The following PAK4 variants were observed in gnomAD, a reference collection of about 807,000 sequenced individuals.
PAK4 encodes the protein serine/threonine-protein kinase PAK 4.
A neutral mutation model predicts 53.5 loss-of-function variants in PAK4; 49 were observed. That is an observed-to-expected ratio of 0.92 (90% confidence interval 0.73 to 1.16). The LOEUF is 1.16. Ranked by LOEUF, PAK4 falls within the 50% of genes most tolerant of loss-of-function variation. The probability of loss-of-function intolerance (pLI) is 0.00; values close to 1 mark genes in which losing one functional copy is unlikely to be tolerated. For missense variants in PAK4, 824 were observed against 850.7 expected, an observed-to-expected ratio of 0.97 and a Z score of 0.39; for synonymous variants, 376 against 375.6, an observed-to-expected ratio of 1.00 and a Z score of -0.01.
At chr19:39,180,946 G>A (rs2074693938), downstream of PAK4, 1 of 152,236 alleles carries the variant, frequency 6.6e-6, no homozygotes, top group South Asian at 2.1e-4. Context: ...AGAACAGCTA[G>A]CTCTAGGAGC....
Position 39,173,301 on chromosome 19 carries a change from G to A in PAK4, c.588G>A (p.Gly196=), listed in dbSNP as rs1466560078. The change falls in exon 3 of 9, where the codon GGG becomes GGA. Residue 196 remains glycine (G), a synonymous_variant. Transcript: ENST00000358301. This position sits in a 1 kb window ranked among gnomAD's most constrained non-coding sequence, Gnocchi z 6.9. ...CCCAGCCTGCTGGTCTGGCCAGTGGGGCGAAACTGGCAGCTGGCCGGCCCT... is the reference window on the plus strand; with the variant it reads ...CCCAGCCTGCTGGTCTGGCCAGTGGAGCGAAACTGGCAGCTGGCCGGCCCT... The A allele has an allele frequency of 6.2e-7, 1 of 1,600,468 alleles. No individual in the cohort carries two copies.
intron 1 of PAK4, among the ~76,000 whole-genome samples, chr19:39,165,556 T>TAAATA (rs761595959): frequency 1.0e-4 from 13 of 124,002 alleles, no homozygotes; most frequent in African/African-American, 3.7e-4. Flanking sequence ...ATAAATAAAA[T>TAAATA]AATAATAGAC....
chr19:39,156,185 A>T (rs559709279), intron 1 of PAK4, among the ~76,000 whole-genome samples: 1 of 152,030 alleles, frequency 6.6e-6, no homozygotes, highest in South Asian at 2.1e-4. Flanking sequence ...CCTCCAGCCC[A>T]TGCTGGGCAC....
At chr19:39,169,641 CAGA>C (rs777682213) in exon 2 of PAK4, 1 of 1,613,488 alleles carries the variant, frequency 6.2e-7, no homozygotes, top group Non-Finnish European at 8.5e-7. Context: ...CCAGCACGAG[CAGA>C]AGTTCACGGG....
Position 39,176,727 on chromosome 19 carries a change from G to A in PAK4, c.1485+12G>A. 1 of 1,606,456 alleles carries A rather than the reference G, an allele frequency of 6.2e-7. No individual in the cohort carries two copies. On this transcript the variant is annotated intron_variant, in intron 7 of 8. Transcript: ENST00000358301. ...CCTACGGGCCAGAGGTGAGCCCCGG[G>A]GTGGCTTGGTTGTCCCGCCGTGGAC...
In PAK4 at chr19:39,173,634, A is replaced by G. The variant is rs2074536136; in HGVS notation, c.722A>G (p.Gln241Arg). The change falls in exon 4 of 9, where the codon CAG (glutamine) becomes CGG (arginine). Residue 241 changes from glutamine (Q) to arginine (R), a missense_variant. Physicochemically the swap from Gln to Arg is conservative, Grantham distance 43. Coordinates refer to ENST00000358301, the Ensembl canonical transcript of PAK4. The surrounding 1 kb of genome is among the most constrained non-coding windows in gnomAD (Gnocchi z 6.9). ...TCAGCGGGGGGCCTGGCCATCCCCCAGTCCTCCTCCTCCTCCTCCCGGCCT... is the reference window on the plus strand; with the variant it reads ...TCAGCGGGGGGCCTGGCCATCCCCCGGTCCTCCTCCTCCTCCTCCCGGCCT... The G allele has an allele frequency of 1.3e-6, 2 of 1,560,302 alleles. No individual in the cohort carries two copies. Among genetic ancestry groups the G allele is most frequent in the South Asian group, 2.4e-5 (2 of 82,466 alleles).
chr19:39,132,863 C>T (rs1433195008), intron 1 of PAK4, among the ~76,000 whole-genome samples: 2 of 152,240 alleles, frequency 1.3e-5, no homozygotes, highest in Non-Finnish European at 2.9e-5. Flanking sequence ...AGATAGGTGA[C>T]AAACAGTCTC....
intron 1 of PAK4, among the ~76,000 whole-genome samples, chr19:39,167,192 T>C (rs2074390984): frequency 6.6e-6 from 1 of 152,158 alleles, no homozygotes; most frequent in South Asian, 2.1e-4. Flanking sequence ...TTCCCGTGGC[T>C]CTGGGAACTG....
intron 1 of PAK4, among the ~76,000 whole-genome samples, chr19:39,140,426 T>G (rs1481545089): frequency 6.6e-6 from 1 of 152,130 alleles, no homozygotes; most frequent in Non-Finnish European, 1.5e-5. Flanking sequence ...CTCTGCAAGT[T>G]TGCAGGGAGG....
At chr19:39,176,368 T>TG (rs999559712) in intron 6 of PAK4, 1 of 606,430 alleles carries the variant, frequency 1.6e-6, no homozygotes, top group East Asian at 2.8e-5. Flanking sequence ...GGGAGGGAAA[T>TG]GGGGGGATCG....
chr19:39,175,027 G>C lies in PAK4; in HGVS notation c.1195G>C (p.Glu399Gln). The change falls in exon 5 of 9, where the codon GAA becomes CAA. Residue 399 changes from glutamate (E) to glutamine (Q), a missense_variant. By Grantham distance (29) the Glu-to-Gln change is conservative (BLOSUM62 2). Around this residue, in one of 2 missense-constraint regions of PAK4, gnomAD observed 346 missense variants for 415.0 expected, o/e 0.83. Coordinates refer to ENST00000358301, the Ensembl canonical transcript of PAK4. This position sits in a 1 kb window ranked among gnomAD's most constrained non-coding sequence, Gnocchi z 4.7. ...GCTCTGGGTGGTCATGGAGTTCCTG[G>C]AAGGAGGCGCCCTCACCGACATCGT... 2 of 1,613,710 alleles carry C rather than the reference G, an allele frequency of 1.2e-6. No homozygotes were observed. The highest frequency in any genetic ancestry group is 2.2e-5 in the East Asian group (1 of 44,870).
At chr19:39,182,407 C>CT (rs1298096718), downstream of PAK4, 1 of 152,236 alleles carries the variant, frequency 6.6e-6, no homozygotes, top group Admixed American at 6.5e-5. Flanking sequence ...CACTCTTGCT[C>CT]TTTCATTAGA....
At chr19:39,159,063 C>T (rs546504188) in intron 1 of PAK4, among the ~76,000 whole-genome samples, 1 of 152,142 alleles carries the variant, frequency 6.6e-6, no homozygotes, top group Non-Finnish European at 1.5e-5. Context: ...CCAACATGCT[C>T]AGGAGGTAGG....
chr19:39,140,015 G>A (rs889595558), intron 1 of PAK4, among the ~76,000 whole-genome samples: 1 of 152,192 alleles, frequency 6.6e-6, no homozygotes, highest in African/African-American at 2.4e-5. Flanking sequence ...TTCCAGATAA[G>A]GCAACTGAGG....
rs552762216 is a variant in PAK4, at chr19:39,174,673, C to T, written c.1099-258C>T. Among the ~76,000 whole-genome samples the T allele has an allele frequency of 3.7e-4, 57 of 152,258 alleles. 1 individual carries two copies. The highest frequency in any genetic ancestry group is 1.5e-3 in the South Asian group (7 of 4,824). The stretch of plus-strand genomic sequence containing the variant: ...CCTGTGATTGAACGCTCTCTTCCCA[C>T]CTGCCCCCCAGCACTAGCCCAGGAC... On this transcript the variant is annotated intron_variant, in intron 4 of 8. Coordinates refer to ENST00000358301, the Ensembl canonical transcript of PAK4.
intron 2 of PAK4, among the ~76,000 whole-genome samples, chr19:39,169,999 C>G (rs771988651): frequency 1.3e-5 from 2 of 152,160 alleles, no homozygotes; most frequent in African/African-American, 4.8e-5. Context: ...ATCTGACAGC[C>G]CCCACACCAG....
chr19:39,175,342 C>G lies in PAK4; in HGVS notation c.1263C>G (p.Cys421Trp). The stretch of plus-strand genomic sequence containing the variant: ...ACGAGGAGCAGATCGCGGCCGTGTG[C>G]CTTGCAGTGCTGCAGGCCCTGTCGG... The change falls in exon 6 of 9, where the codon TGC becomes TGG. Residue 421 changes from cysteine (C) to tryptophan (W), a missense_variant. This residue lies in a region of PAK4 where 346 missense variants were observed against 415.0 expected (regional missense o/e 0.83). Transcript: ENST00000358301. This position sits in a 1 kb window ranked among gnomAD's most constrained non-coding sequence, Gnocchi z 4.7. 1 of 1,598,686 alleles carries G rather than the reference C, an allele frequency of 6.3e-7. No individual in the cohort carries two copies. The highest frequency in any genetic ancestry group is 8.5e-7 in the Non-Finnish European group (1 of 1,173,498).
chr19:39,138,846 C>T (rs2073863647), intron 1 of PAK4, among the ~76,000 whole-genome samples: 1 of 152,230 alleles, frequency 6.6e-6, no homozygotes. Flanking sequence ...CGGGAAGCAG[C>T]TCAGCTGGGG....
intron 1 of PAK4, among the ~76,000 whole-genome samples, chr19:39,133,401 G>A (rs2073750518): frequency 6.6e-6 from 1 of 152,072 alleles, no homozygotes; most frequent in Admixed American, 6.5e-5. Context: ...CTAACCTACT[G>A]GACCCTCCCA....
Sources: gnomAD v4.1 joint callset for allele counts (sites outside exome capture counted in the v4.1 genomes callset) on GRCh38, gnomAD v4.1.1 for gene constraint, gnomAD v4.1.1 regional missense constraint, Gnocchi (gnomAD v3.1) non-coding constraint, MANE v1.5 for transcripts, NCBI Gene and HGNC (gene_info 2026-07-23, HGNC 2026-07-21) for gene names.